Variants in LPP observed in about 807,000 individuals in gnomAD.
LPP encodes the protein LIM domain containing preferred translocation partner in lipoma, also known as lipoma-preferred partner.
In LPP, 38 loss-of-function variants were observed where a neutral mutation model predicts 60.4. That is an observed-to-expected ratio of 0.63 (90% confidence interval 0.49 to 0.83). LPP has a LOEUF of 0.83. Among genes scored for constraint, LPP ranks in the 40% least tolerant of loss-of-function variants. The probability of loss-of-function intolerance (pLI) is 0.00; values close to 1 mark genes in which losing one functional copy is unlikely to be tolerated. For synonymous variants in LPP, 328 were observed against 290.8 expected, an observed-to-expected ratio of 1.13 and a Z score of -1.30; for missense variants, 902 against 783.6, an observed-to-expected ratio of 1.15 and a Z score of -1.80.
intron 2 of LPP, among the ~76,000 whole-genome samples, chr3:188,320,396 C>T (rs1756577593): frequency 1.3e-5 from 2 of 152,204 alleles, no homozygotes; most frequent in Admixed American, 1.3e-4. Flanking sequence ...AGTCTCAACT[C>T]TGGGGTCCCC....
At chr3:188,733,032 C>T (rs1013114554) in intron 8 of LPP, among the ~76,000 whole-genome samples, 49 of 151,890 alleles carry the variant, frequency 3.2e-4, no homozygotes, top group African/African-American at 1.2e-3. Context: ...ATCCCATGTG[C>T]AGGTCGAACT....
At chr3:188,361,470 T>G in intron 3 of LPP, among the ~76,000 whole-genome samples, 1 of 118,006 alleles carries the variant, frequency 8.5e-6, no homozygotes, top group Admixed American at 1.0e-4. Flanking sequence ...CCTTCCTTCC[T>G]TCCCTCTCCT....
intron 7 of LPP, among the ~76,000 whole-genome samples, chr3:188,663,530 C>T (rs1576909374): frequency 6.6e-6 from 1 of 152,164 alleles, no homozygotes; most frequent in Non-Finnish European, 1.5e-5. Flanking sequence ...CTACTTAAAA[C>T]TCCAACGGGT....
chr3:188,888,411 T>C lies in LPP; in HGVS notation c.*13932T>C, dbSNP rs1292678125. 8.8e-6 allele frequency: 2 copies of C among 226,920 alleles called. No homozygotes were observed. The highest frequency in any genetic ancestry group is 6.3e-5 in the East Asian group (1 of 15,874). The allele number at this position is 226,920 out of a possible 1,614,324, so 14.1% of individuals were successfully genotyped here. A position where few individuals can be genotyped will look rare whatever the true frequency, so the allele number is the denominator to read the frequency against. On this transcript the variant is annotated 3_prime_UTR_variant, in exon 12 of 12. Transcript: ENST00000617246. ...GTGCCGTCACCTTTGAGAAAAACGA[T>C]TGCACCTTCTCCAAGTCTGCCTTTT...
In LPP at chr3:188,352,816, G is replaced by T. The variant is rs73053601; in HGVS notation, c.-10+11097G>T. ...GAGTGGGCAGAGAAGGTGAAGACAC[G>T]GAGAGTAACTCAGTGCAGAGGCAGC... On this transcript the variant is annotated intron_variant, in intron 3 of 11. Transcript: ENST00000617246. The surrounding 1 kb of genome is among the most constrained non-coding windows in gnomAD (Gnocchi z 4.4). Among the ~76,000 whole-genome samples the T allele has an allele frequency of 2.6e-5, 4 of 152,164 alleles. No homozygotes were observed. Among genetic ancestry groups the T allele is most frequent in the African/African-American group, 7.2e-5 (3 of 41,418 alleles).
chr3:188,163,526 C>T (rs1051877880), intron 1 of LPP, among the ~76,000 whole-genome samples: 4 of 152,108 alleles, frequency 2.6e-5, no homozygotes, highest in African/African-American at 9.7e-5. Flanking sequence ...TATATGGTCA[C>T]CCTACTTATA....
At chr3:188,375,160 A>C (rs1774609534) in intron 3 of LPP, among the ~76,000 whole-genome samples, 1 of 152,146 alleles carries the variant, frequency 6.6e-6, no homozygotes, top group African/African-American at 2.4e-5. Flanking sequence ...ATATTGGTCT[A>C]AAATTCTCTT....
chr3:188,368,719 C>CAG (rs374471455), intron 3 of LPP, among the ~76,000 whole-genome samples: 33 of 99,650 alleles, frequency 3.3e-4, no homozygotes, highest in South Asian at 1.7e-3. Flanking sequence ...CACACACACA[C>CAG]AGAGAGAGAG....
intron 8 of LPP, among the ~76,000 whole-genome samples, chr3:188,757,889 G>GTTTTTTGTTTTTTTTTTT (rs1553833771): frequency 3.8e-5 from 3 of 78,738 alleles, no homozygotes; most frequent in African/African-American, 5.1e-5. Context: ...TGTTTTTTTG[G>GTTTTTTGTTTTTTTTTTT]TTTTTTTTTT....
chr3:188,384,469 A>G (rs1338524218), intron 3 of LPP, among the ~76,000 whole-genome samples: 47 of 152,054 alleles, frequency 3.1e-4, no homozygotes, highest in Admixed American at 2.9e-3. Flanking sequence ...GACTCAAACC[A>G]TCTTCAGTTG....
At chr3:188,472,239 G>A (rs931285202) in intron 4 of LPP, among the ~76,000 whole-genome samples, 1 of 152,100 alleles carries the variant, frequency 6.6e-6, no homozygotes, top group Non-Finnish European at 1.5e-5. Context: ...TTACTGTTAA[G>A]AGACTTTTAG....
At chr3:188,466,451 A>G (rs758742567) in intron 4 of LPP, among the ~76,000 whole-genome samples, 1 of 152,090 alleles carries the variant, frequency 6.6e-6, no homozygotes, top group African/African-American at 2.4e-5. Context: ...CGAGAGGGCT[A>G]CTAAGCAGTT....
chr3:188,569,296 G>A (rs1266315947), intron 6 of LPP, among the ~76,000 whole-genome samples: 1 of 151,818 alleles, frequency 6.6e-6, no homozygotes, highest in African/African-American at 2.4e-5. Context: ...GGAGTCTGGG[G>A]GGAAGACAGG....
At chr3:188,492,990 C>T (rs1046050538) in intron 5 of LPP, among the ~76,000 whole-genome samples, 1 of 152,064 alleles carries the variant, frequency 6.6e-6, no homozygotes, top group African/African-American at 2.4e-5. Flanking sequence ...TAACTTTTAC[C>T]TGTTTGCTGT....
chr3:188,785,975 T>C (rs1455602281), intron 9 of LPP, among the ~76,000 whole-genome samples: 2 of 152,132 alleles, frequency 1.3e-5, no homozygotes, highest in African/African-American at 2.4e-5. Context: ...ATGTCTCAAA[T>C]AGGTACCATG....
intron 9 of LPP, among the ~76,000 whole-genome samples, chr3:188,807,528 A>G (rs1168163241): frequency 6.6e-6 from 1 of 151,922 alleles, no homozygotes; most frequent in Non-Finnish European, 1.5e-5. Context: ...ATATTTTTCT[A>G]TAATTCTTTG....
intron 1 of LPP, among the ~76,000 whole-genome samples, chr3:188,191,045 C>G (rs563887670): frequency 1.5e-4 from 23 of 152,270 alleles, no homozygotes; most frequent in Admixed American, 4.6e-4. Flanking sequence ...GCCTGGCCAA[C>G]ATGGTGAATC....
chr3:188,552,399 G>A (rs910984029), intron 6 of LPP, among the ~76,000 whole-genome samples: 6 of 152,182 alleles, frequency 3.9e-5, no homozygotes, highest in African/African-American at 1.4e-4. Context: ...CCTAAGATAT[G>A]ATGAGCAAAG....
intron 4 of LPP, among the ~76,000 whole-genome samples, chr3:188,451,322 T>C (rs1796538356): frequency 6.6e-6 from 1 of 152,166 alleles, no homozygotes; most frequent in Non-Finnish European, 1.5e-5. Flanking sequence ...GTCATGGCTA[T>C]CTCTGGGACT....
Sources: gnomAD v4.1 joint callset for allele counts (sites outside exome capture counted in the v4.1 genomes callset) on GRCh38, gnomAD v4.1.1 for gene constraint, Gnocchi (gnomAD v3.1) non-coding constraint, MANE v1.5 for transcripts, NCBI Gene and HGNC (gene_info 2026-07-23, HGNC 2026-07-21) for gene names.